Variants in PLCB1 observed in about 807,000 individuals in gnomAD.
PLCB1 encodes the protein phospholipase C beta 1.
A neutral mutation model predicts 161.8 loss-of-function variants in PLCB1; 46 were observed. The ratio of observed to expected loss-of-function variants is 0.28; its 90% CI spans 0.22 to 0.36. The LOEUF (loss-of-function observed/expected upper bound fraction) is 0.36. PLCB1 is among the 10% of genes least tolerant of loss of function. The pLI, the probability that PLCB1 is intolerant of heterozygous loss-of-function variation, is 1.00. For synonymous variants in PLCB1, 517 were observed against 503.7 expected (o/e 1.03, Z -0.35); for missense variants, 1,016 against 1,472.5 (o/e 0.69, Z 5.07).
At chr20:8,632,056 T>G (rs1187515671) in intron 4 of PLCB1, among the ~76,000 whole-genome samples, 28 of 143,284 alleles carry the variant, frequency 2.0e-4, no homozygotes, top group Admixed American at 6.9e-4. Flanking sequence ...TTTTTTTTTT[T>G]TTTTTTTTTT....
chr20:8,765,162 G>C lies in PLCB1; in HGVS notation c.2734G>C (p.Glu912Gln). The change falls in exon 26 of 32, where the codon GAA (glutamate) becomes CAA (glutamine). Residue 912 changes from glutamate to glutamine, a missense_variant. Transcript: ENST00000338037. Reference protein sequence around the residue: ...LTEVEAQTIEELKQQKSFVKL... With the variant: ...LTEVEAQTIEQLKQQKSFVKL... ...AGAAGTGGAAGCACAGACCATCGAAGAACTAAAGCAACAGAAATCGTTTGT... is the reference window on the plus strand; with the variant it reads ...AGAAGTGGAAGCACAGACCATCGAACAACTAAAGCAACAGAAATCGTTTGT... 6.2e-7 allele frequency: 1 copy of C among 1,613,648 alleles called. No homozygotes were observed. Among genetic ancestry groups the C allele is most frequent in the Non-Finnish European group, 8.5e-7 (1 of 1,179,874 alleles).
intron 31 of PLCB1, among the ~76,000 whole-genome samples, chr20:8,796,959 T>G (rs971795496): frequency 2.0e-5 from 3 of 152,244 alleles, no homozygotes; most frequent in Non-Finnish European, 2.9e-5. Flanking sequence ...GAAGTTCCTT[T>G]CATGCGGTCT....
At chr20:8,344,520 G>A (rs1335902350) in intron 2 of PLCB1, among the ~76,000 whole-genome samples, 2 of 152,138 alleles carry the variant, frequency 1.3e-5, no homozygotes, top group Non-Finnish European at 2.9e-5. Context: ...CATTTCATGC[G>A]CAAGTTCTAG....
At chr20:8,756,262 C>G (rs1271629175) in intron 23 of PLCB1, among the ~76,000 whole-genome samples, 2 of 152,092 alleles carry the variant, frequency 1.3e-5, no homozygotes, top group East Asian at 3.8e-4. Flanking sequence ...ATATTATGAT[C>G]CCCAGTAAAC....
At chr20:8,511,087 T>C (rs1983868453) in intron 3 of PLCB1, among the ~76,000 whole-genome samples, 1 of 152,174 alleles carries the variant, frequency 6.6e-6, no homozygotes, top group African/African-American at 2.4e-5. Flanking sequence ...TCAAAAATTA[T>C]TCCTCCTGTC....
At chr20:8,221,986 T>C (rs1050827337) in intron 2 of PLCB1, among the ~76,000 whole-genome samples, 1 of 152,214 alleles carries the variant, frequency 6.6e-6, no homozygotes, top group Non-Finnish European at 1.5e-5. Flanking sequence ...GCTTTAATAC[T>C]ATATCTCATC....
At chr20:8,489,943 C>G (rs1982874878) in intron 3 of PLCB1, among the ~76,000 whole-genome samples, 1 of 152,114 alleles carries the variant, frequency 6.6e-6, no homozygotes, top group Non-Finnish European at 1.5e-5. Context: ...ATGAAGAGCC[C>G]TTCTTCTTTG....
chr20:8,883,061 G>A lies in PLCB1; in HGVS notation c.*1212G>A, dbSNP rs1299167447. On this transcript the variant is annotated 3_prime_UTR_variant, in exon 32 of 32. Coordinates refer to ENST00000338037, the MANE Select transcript of PLCB1 (RefSeq NM_015192.4). ...ATGGAGACGCTAAGAAATAATTGAT[G>A]GAGCCATTGATGCAAACCGAAGTAG... 6.6e-6 allele frequency: 1 copy of A among 152,542 alleles called. No individual in the cohort carries two copies. The highest frequency in any genetic ancestry group is 1.5e-5 in the Non-Finnish European group (1 of 68,014). 9.4% of individuals were successfully genotyped at this position (152,542 alleles called of 1,614,324 possible).
intron 2 of PLCB1, among the ~76,000 whole-genome samples, chr20:8,233,818 C>A (rs534168634): frequency 2.0e-4 from 30 of 152,266 alleles, no homozygotes; most frequent in African/African-American, 6.5e-4. Context: ...TTTATTCTTA[C>A]GTCAATGAAA....
At chr20:8,240,946 G>T (rs924520809) in intron 2 of PLCB1, among the ~76,000 whole-genome samples, 2 of 151,908 alleles carry the variant, frequency 1.3e-5, no homozygotes, top group African/African-American at 4.8e-5. Flanking sequence ...TCAATGAGTT[G>T]AATACAAACA....
chr20:8,467,295 C>G (rs2122704962), intron 3 of PLCB1, among the ~76,000 whole-genome samples: 1 of 152,258 alleles, frequency 6.6e-6, no homozygotes, highest in Non-Finnish European at 1.5e-5. Context: ...GAAGTCAACA[C>G]ACATTGTATT....
intron 3 of PLCB1, among the ~76,000 whole-genome samples, chr20:8,522,571 G>A (rs56128701): frequency 0.11 from 16,774 of 152,040 alleles, 994 homozygotes; most frequent in African/African-American, 0.16. Flanking sequence ...ACCCAGAAAA[G>A]ACAAATTAAG....
At chr20:8,280,572 C>T (rs1261443969) in intron 2 of PLCB1, among the ~76,000 whole-genome samples, 1 of 152,008 alleles carries the variant, frequency 6.6e-6, no homozygotes, top group Non-Finnish European at 1.5e-5. Flanking sequence ...CATATTTAAA[C>T]AATATAGCCT....
chr20:8,344,174 A>G (rs1173773006), intron 2 of PLCB1, among the ~76,000 whole-genome samples: 1 of 152,164 alleles, frequency 6.6e-6, no homozygotes, highest in Non-Finnish European at 1.5e-5. Flanking sequence ...CTTAGTCCTA[A>G]TTCTTTTTCT....
intron 3 of PLCB1, among the ~76,000 whole-genome samples, chr20:8,447,567 C>T (rs139073517): frequency 7.1e-4 from 108 of 152,208 alleles, no homozygotes; most frequent in African/African-American, 2.6e-3. Context: ...TAGAGTAGGC[C>T]GCTTTCAAAA....
chr20:8,558,114 G>C (rs1042041805), intron 3 of PLCB1, among the ~76,000 whole-genome samples: 2 of 151,688 alleles, frequency 1.3e-5, no homozygotes, highest in Non-Finnish European at 2.9e-5. Context: ...TAGCACAAGA[G>C]GGTGATTATA....
chr20:8,681,115 TATATA>T (rs1176318218), intron 9 of PLCB1, among the ~76,000 whole-genome samples: 1 of 103,900 alleles, frequency 9.6e-6, no homozygotes, highest in African/African-American at 6.0e-5. Context: ...TATATATATA[TATATA>T]ATATATATAA....
At chr20:8,743,717 A>G (rs893635582) in intron 23 of PLCB1, among the ~76,000 whole-genome samples, 1 of 152,206 alleles carries the variant, frequency 6.6e-6, no homozygotes. Flanking sequence ...TGAGTTCCCT[A>G]TCTGAATTAA....
At chr20:8,503,400 C>A (rs781051955) in intron 3 of PLCB1, among the ~76,000 whole-genome samples, 2 of 152,112 alleles carry the variant, frequency 1.3e-5, no homozygotes, top group Non-Finnish European at 2.9e-5. Flanking sequence ...ACACACTATT[C>A]AATACCGTCT....
Sources: allele counts gnomAD v4.1 joint callset (sites outside exome capture counted in the v4.1 genomes callset), GRCh38; gene constraint gnomAD v4.1.1; transcripts MANE v1.5; gene names NCBI Gene and HGNC (gene_info 2026-07-23, HGNC 2026-07-21).